PRKG1: variants seen among roughly 807,000 people sequenced by gnomAD.
The protein encoded by PRKG1 is protein kinase cGMP-dependent 1.
Under a neutral mutation model 88.1 loss-of-function variants are expected in PRKG1, and 35 were observed. The observed-to-expected ratio is 0.40, with a 90% CI of 0.30 to 0.53. PRKG1 has a LOEUF of 0.53. PRKG1 is among the 20% of genes least tolerant of loss of function. PRKG1 has a pLI of 0.59. For synonymous variants in PRKG1, 303 were observed against 292.5 expected (o/e 1.04, Z -0.37); for missense variants, 540 against 839.8 (o/e 0.64, Z 4.41).
intron 9 of PRKG1, among the ~76,000 whole-genome samples, chr10:52,239,484 G>GA (rs1182021497): frequency 2.7e-5 from 1 of 36,718 alleles, no homozygotes; most frequent in African/African-American, 1.0e-4. Context: ...TATATATGAG[G>GA]AAAAAAATAA....
intron 7 of PRKG1, among the ~76,000 whole-genome samples, chr10:52,117,772 A>G (rs574508610): frequency 6.6e-6 from 1 of 152,012 alleles, no homozygotes; most frequent in African/African-American, 2.4e-5. Context: ...ATTTTTTCTA[A>G]TGCATGCAGA....
At chr10:51,580,782 G>T (rs923454007) in intron 3 of PRKG1, among the ~76,000 whole-genome samples, 4 of 152,056 alleles carry the variant, frequency 2.6e-5, no homozygotes, top group Non-Finnish European at 4.4e-5. Context: ...AAGGATTCAT[G>T]TCTTTAGCTT....
chr10:51,896,954 T>G (rs942380269), intron 4 of PRKG1, among the ~76,000 whole-genome samples: 3 of 152,168 alleles, frequency 2.0e-5, no homozygotes, highest in African/African-American at 7.2e-5. Flanking sequence ...ATTAATAGGT[T>G]GTGGCCATTG....
intron 1 of PRKG1, among the ~76,000 whole-genome samples, chr10:51,143,336 T>G (rs1845867143): frequency 6.6e-6 from 1 of 152,112 alleles, no homozygotes; most frequent in Non-Finnish European, 1.5e-5. Context: ...GGTTGAGTAA[T>G]ATTCCATTGT....
At chr10:51,140,436 C>A (rs747521339) in intron 1 of PRKG1, among the ~76,000 whole-genome samples, 3 of 152,156 alleles carry the variant, frequency 2.0e-5, no homozygotes, top group Admixed American at 6.5e-5. Context: ...TCAGGCTGAG[C>A]AGACTACTGT....
intron 12 of PRKG1, among the ~76,000 whole-genome samples, chr10:52,280,352 A>G (rs935104227): frequency 4.6e-5 from 7 of 152,182 alleles, no homozygotes; most frequent in African/African-American, 7.2e-5. Flanking sequence ...AGATTAAAAA[A>G]CAAGCCCTCT....
intron 9 of PRKG1, among the ~76,000 whole-genome samples, chr10:52,164,161 G>A (rs1020394785): frequency 1.3e-5 from 2 of 151,996 alleles, no homozygotes; most frequent in African/African-American, 4.8e-5. Context: ...GACCAGCCTG[G>A]CCAACATGGT....
intron 2 of PRKG1, among the ~76,000 whole-genome samples, chr10:51,332,866 TGA>T (rs1841777215): frequency 6.6e-6 from 1 of 152,222 alleles, no homozygotes; most frequent in African/African-American, 2.4e-5. Context: ...TTGGTCTCTC[TGA>T]TTTCCCCATC....
At chr10:51,185,832 A>G (rs561502568) in intron 2 of PRKG1, among the ~76,000 whole-genome samples, 51 of 151,868 alleles carry the variant, frequency 3.4e-4, no homozygotes, top group Admixed American at 3.3e-3. Flanking sequence ...TCTCTCATTC[A>G]TGATTACAAA....
intron 2 of PRKG1, among the ~76,000 whole-genome samples, chr10:51,202,143 C>T (rs542893715): frequency 1.3e-5 from 2 of 152,226 alleles, no homozygotes; most frequent in South Asian, 4.2e-4. Flanking sequence ...GTTAAAGGTT[C>T]ACACCTACAC....
rs116502541 is a variant in PRKG1, at chr10:52,191,467, C to T, written c.1076+29504C>T. ...ACAGGCATGAGCCACTGAACATGGCCTGGGTTGTTAAAGAAACTGAATCAT... is the reference window on the plus strand; with the variant it reads ...ACAGGCATGAGCCACTGAACATGGCTTGGGTTGTTAAAGAAACTGAATCAT... On this transcript the variant is annotated intron_variant, in intron 9 of 17. Transcript: ENST00000373980. 8.4e-3 allele frequency among the ~76,000 whole-genome samples: 1,271 copies of T among 152,206 alleles called. 17 individuals are homozygous for T. Among genetic ancestry groups the T allele is most frequent in the African/African-American group, 0.029 (1,210 of 41,546 alleles).
intron 3 of PRKG1, among the ~76,000 whole-genome samples, chr10:51,704,674 G>A (rs1368470095): frequency 6.6e-6 from 1 of 152,198 alleles, no homozygotes; most frequent in Non-Finnish European, 1.5e-5. Context: ...CCAGAAGCTA[G>A]TAATAGCCAA....
intron 3 of PRKG1, among the ~76,000 whole-genome samples, chr10:51,623,239 T>G (rs1473898278): frequency 6.6e-6 from 1 of 152,220 alleles, no homozygotes; most frequent in African/African-American, 2.4e-5. Context: ...TTTGCTCTGT[T>G]GCCCAGGCTG....
chr10:51,468,002 T>C lies in PRKG1; in HGVS notation c.592+166T>C, dbSNP rs912953718. 2.0e-5 allele frequency: 12 copies of C among 605,264 alleles called. No individual in the cohort carries two copies. In the African/African-American group the frequency reaches 2.2e-4, roughly 11 times the overall value. 37.5% of individuals were successfully genotyped at this position (605,264 alleles called of 1,614,324 possible). A position where few individuals can be genotyped will look rare whatever the true frequency, so the allele number is the denominator to read the frequency against. ...GTATTTGTTTTCCTACTAAAGGTGATTGTTAACAATCAGTTTTGTATAATT... is the reference window on the plus strand; with the variant it reads ...GTATTTGTTTTCCTACTAAAGGTGACTGTTAACAATCAGTTTTGTATAATT... On this transcript the variant is annotated intron_variant, in intron 3 of 17. Transcript: ENST00000373980.
At chr10:52,096,499 T>G (rs1047803864) in intron 7 of PRKG1, among the ~76,000 whole-genome samples, 1 of 152,214 alleles carries the variant, frequency 6.6e-6, no homozygotes, top group African/African-American at 2.4e-5. Context: ...TCTGCTTTGT[T>G]GCATTTCCAC....
intron 4 of PRKG1, among the ~76,000 whole-genome samples, chr10:51,824,223 G>C (rs1356230797): frequency 6.6e-6 from 1 of 152,054 alleles, no homozygotes; most frequent in Non-Finnish European, 1.5e-5. Context: ...ATAGGTCTTG[G>C]TGCTTGGACA....
intron 7 of PRKG1, among the ~76,000 whole-genome samples, chr10:52,072,359 A>G (rs1039101100): frequency 1.3e-5 from 2 of 151,978 alleles, no homozygotes; most frequent in African/African-American, 4.8e-5. Flanking sequence ...TACAAAACAA[A>G]ACAAAAAGAT....
intron 4 of PRKG1, among the ~76,000 whole-genome samples, chr10:51,896,235 G>A (rs1841843464): frequency 6.6e-6 from 1 of 152,076 alleles, no homozygotes; most frequent in South Asian, 2.1e-4. Flanking sequence ...GATTACTGAA[G>A]GTCTTAAATA....
chr10:52,212,681 C>G (rs1355257861), intron 9 of PRKG1, among the ~76,000 whole-genome samples: 1 of 151,480 alleles, frequency 6.6e-6, no homozygotes. Flanking sequence ...AATTATCTTT[C>G]TGATTGCATG....
Sources: gnomAD v4.1 joint callset for allele counts (sites outside exome capture counted in the v4.1 genomes callset) on GRCh38, gnomAD v4.1.1 for gene constraint, MANE v1.5 for transcripts, NCBI Gene and HGNC (gene_info 2026-07-23, HGNC 2026-07-21) for gene names.